PPARGC1A: variants seen among roughly 807,000 people sequenced by gnomAD.
PPARGC1A encodes the protein peroxisome proliferator-activated receptor gamma coactivator 1-alpha.
PPARGC1A carries 25 observed loss-of-function variants against 88.7 expected under a neutral mutation model. The observed-to-expected ratio is 0.28, with a 90% CI of 0.21 to 0.39. The LOEUF (loss-of-function observed/expected upper bound fraction) is 0.39, where lower values mean the gene tolerates loss of function less well. Ranked by LOEUF, PPARGC1A falls within the 10% of genes least tolerant of loss-of-function variation. The probability of loss-of-function intolerance (pLI) is 1.00; values close to 1 mark genes in which losing one functional copy is unlikely to be tolerated. For missense variants in PPARGC1A, 880 were observed against 968.7 expected, an observed-to-expected ratio of 0.91 and a Z score of 1.22; for synonymous variants, 363 against 355.6, an observed-to-expected ratio of 1.02 and a Z score of -0.24.
upstream of PPARGC1A, among the ~76,000 whole-genome samples, chr4:23,906,449 C>T (rs529811648): frequency 6.6e-6 from 1 of 151,682 alleles, no homozygotes; most frequent in East Asian, 2.0e-4. Flanking sequence ...CCTGTATCTA[C>T]TAAAAATACA....
the PPARGC1A span, among the ~76,000 whole-genome samples, chr4:24,189,233 GC>G: frequency 6.6e-6 from 1 of 152,102 alleles, no homozygotes; most frequent in South Asian, 2.1e-4. Context: ...GATGGTGGCT[GC>G]AAAAATTACA....
At chr4:23,869,224 G>GA (rs1261924890) in intron 2 of PPARGC1A, among the ~76,000 whole-genome samples, 1 of 152,078 alleles carries the variant, frequency 6.6e-6, no homozygotes, top group African/African-American at 2.4e-5. Flanking sequence ...AAAGAGAAAG[G>GA]AAAAAATTGA....
intron 2 of PPARGC1A, among the ~76,000 whole-genome samples, chr4:23,836,020 T>C (rs1473481066): frequency 6.6e-6 from 1 of 152,232 alleles, no homozygotes; most frequent in Non-Finnish European, 1.5e-5. Context: ...TGACAGGGTA[T>C]AGAAACACAT....
chr4:23,809,167 T>C (rs1720412354), intron 10 of PPARGC1A, among the ~76,000 whole-genome samples: 1 of 152,184 alleles, frequency 6.6e-6, no homozygotes, highest in African/African-American at 2.4e-5. Flanking sequence ...CTTCTATGTA[T>C]GAATTTTCAA....
At chr4:23,911,793 C>G in the PPARGC1A span, among the ~76,000 whole-genome samples, 3 of 151,788 alleles carry the variant, frequency 2.0e-5, no homozygotes, top group Non-Finnish European at 2.9e-5. Context: ...TGGAAAGAAC[C>G]CTTAACATGA....
intron 7 of PPARGC1A, among the ~76,000 whole-genome samples, chr4:23,815,160 A>G (rs1427187262): frequency 6.6e-6 from 1 of 151,782 alleles, no homozygotes; most frequent in Non-Finnish European, 1.5e-5. Context: ...GACAGGAAAT[A>G]TGGGGCAATG....
upstream of PPARGC1A, among the ~76,000 whole-genome samples, chr4:23,903,364 A>G (rs1281448907): frequency 6.6e-6 from 1 of 152,214 alleles, no homozygotes; most frequent in Admixed American, 6.5e-5. Flanking sequence ...ATAACCATAT[A>G]ATTTGCAGTC....
At chr4:24,464,223 A>T in the PPARGC1A span, among the ~76,000 whole-genome samples, 1 of 152,230 alleles carries the variant, frequency 6.6e-6, no homozygotes, top group Non-Finnish European at 1.5e-5. Context: ...ACCAGCTACT[A>T]CTGCCACTTT....
chr4:24,040,218 T>C, the PPARGC1A span, among the ~76,000 whole-genome samples: 1 of 152,168 alleles, frequency 6.6e-6, no homozygotes, highest in Non-Finnish European at 1.5e-5. Flanking sequence ...TGCTACCTGT[T>C]CCAATCCAGC....
At chr4:24,333,113 G>A in the PPARGC1A span, among the ~76,000 whole-genome samples, 6 of 152,234 alleles carry the variant, frequency 3.9e-5, no homozygotes, top group East Asian at 3.9e-4. Flanking sequence ...GTGGTGACAC[G>A]CGCCTGTAAT....
chr4:24,176,324 C>A, the PPARGC1A span, among the ~76,000 whole-genome samples: 35 of 152,252 alleles, frequency 2.3e-4, 1 homozygote, highest in Middle Eastern at 0.024. Flanking sequence ...CTTTTTGCAA[C>A]ATATCTCAAC....
At chr4:23,962,787 T>C in the PPARGC1A span, among the ~76,000 whole-genome samples, 1 of 152,116 alleles carries the variant, frequency 6.6e-6, no homozygotes, top group Non-Finnish European at 1.5e-5. Flanking sequence ...GCCTTTTACC[T>C]CTTCCATTTC....
Position 23,873,197 on chromosome 4 carries a change from CAAAAATA to C in PPARGC1A, c.234+11548_234+11554del, listed in dbSNP as rs1161704210. On this transcript the variant is annotated intron_variant, in intron 2 of 12. Coordinates refer to ENST00000264867, the MANE Select transcript of PPARGC1A (RefSeq NM_013261.5). ...GGGGCGACAGAGCGAGACTCCGTCT[CAAAAATA>C]AAAAATAAAAAATAAAAAATAAAGA... is the stretch of plus-strand genomic sequence containing the variant. Among the ~76,000 whole-genome samples, 256 of 74,872 alleles carry C rather than the reference CAAAAATA, an allele frequency of 3.4e-3. 40 individuals are homozygous for C. Among genetic ancestry groups the C allele is most frequent in the Middle Eastern group, 9.8e-3 (1 of 102 alleles). 49.1% of individuals were successfully genotyped at this position (74,872 alleles called of 152,430 possible). A position where few individuals can be genotyped will look rare whatever the true frequency, so the allele number is the denominator to read the frequency against.
At chr4:24,257,767 C>T in the PPARGC1A span, among the ~76,000 whole-genome samples, 1 of 152,172 alleles carries the variant, frequency 6.6e-6, no homozygotes, top group South Asian at 2.1e-4. Flanking sequence ...CTCATGGAAA[C>T]ATTCATTCTC....
chr4:24,305,456 T>C, the PPARGC1A span, among the ~76,000 whole-genome samples: 4 of 152,130 alleles, frequency 2.6e-5, no homozygotes, highest in African/African-American at 9.7e-5. Flanking sequence ...CGTTGCAAAG[T>C]GTTAGTCAGA....
Position 23,812,794 on chromosome 4 carries a change from C to G in PPARGC1A, c.1972G>C (p.Glu658Gln), listed in dbSNP as rs1398063426. 1 of 1,614,044 alleles carries G rather than the reference C, an allele frequency of 6.2e-7. No homozygotes were observed. The highest frequency in any genetic ancestry group is 8.5e-7 in the Non-Finnish European group (1 of 1,180,002). Reference protein sequence around the residue: ...EEYRREYEKRESERAKQRERQ... With the variant: ...EEYRREYEKRQSERAKQRERQ... The stretch of plus-strand genomic sequence containing the variant: ...TCCCTTTGCTTGGCCCTCTCAGACT[C>G]TCGCTTCTCATACTCTCTGCGATAT... The change falls in exon 10 of 13, where the codon GAG becomes CAG. Residue 658 changes from glutamate to glutamine, a missense_variant. By Grantham distance (29) the Glu-to-Gln change is conservative. Transcript: ENST00000264867.
the PPARGC1A span, among the ~76,000 whole-genome samples, chr4:24,425,814 C>A: frequency 6.6e-6 from 1 of 152,160 alleles, no homozygotes; most frequent in South Asian, 2.1e-4. Flanking sequence ...ATCAAATTGT[C>A]ATGGTGCCGA....
the PPARGC1A span, among the ~76,000 whole-genome samples, chr4:24,375,436 T>C: frequency 6.6e-6 from 1 of 152,322 alleles, no homozygotes; most frequent in African/African-American, 2.4e-5. Flanking sequence ...TCAGTCAGCT[T>C]CTTTAAGAGT....
chr4:24,276,739 A>C, the PPARGC1A span, among the ~76,000 whole-genome samples: 1 of 152,202 alleles, frequency 6.6e-6, no homozygotes, highest in Non-Finnish European at 1.5e-5. Flanking sequence ...GAAATAGCTT[A>C]AGTCCTCTTA....
Sources: gnomAD v4.1 joint callset for allele counts (sites outside exome capture counted in the v4.1 genomes callset) on GRCh38, gnomAD v4.1.1 for gene constraint, MANE v1.5 for transcripts, NCBI Gene and HGNC (gene_info 2026-07-23, HGNC 2026-07-21) for gene names.